The following COIL variants were observed in gnomAD, a reference collection of about 807,000 sequenced individuals.
COIL encodes coilin p80.
COIL carries 28 observed loss-of-function variants against 51.6 expected under a neutral mutation model. The ratio of observed to expected loss-of-function variants is 0.54; its 90% CI spans 0.40 to 0.74. COIL has a LOEUF of 0.74. COIL is among the 30% of genes least tolerant of loss of function. The pLI, the probability that COIL is intolerant of heterozygous loss-of-function variation, is 0.00. For synonymous variants in COIL, 233 were observed against 255.8 expected (o/e 0.91, Z 0.85); for missense variants, 667 against 685.9 (o/e 0.97, Z 0.31).
intron 5 of COIL, among the ~76,000 whole-genome samples, chr17:56,942,964 A>G (rs117077655): frequency 6.6e-6 from 1 of 152,318 alleles, no homozygotes; most frequent in Non-Finnish European, 1.5e-5. Flanking sequence ...AACCTTTACT[A>G]CATAGGGAAA....
At chr17:56,956,461 G>A (rs910238444) in intron 1 of COIL, among the ~76,000 whole-genome samples, 18 of 151,894 alleles carry the variant, frequency 1.2e-4, no homozygotes, top group African/African-American at 4.1e-4. Context: ...TCCCTGTGTT[G>A]CCCAGGCTGC....
chr17:56,941,827 T>A (rs1397506229), intron 6 of COIL, among the ~76,000 whole-genome samples: 1 of 152,194 alleles, frequency 6.6e-6, no homozygotes, highest in Non-Finnish European at 1.5e-5. Flanking sequence ...AACTGTACAC[T>A]CTTAAAGAAA....
chr17:56,960,523 C>G (rs1216530772), intron 1 of COIL, among the ~76,000 whole-genome samples: 2 of 135,240 alleles, frequency 1.5e-5, no homozygotes, highest in Non-Finnish European at 3.2e-5. Flanking sequence ...GACTCCGTCT[C>G]AAAAAAAAAA....
chr17:56,953,819 A>G (rs1487006503), intron 1 of COIL, among the ~76,000 whole-genome samples: 1 of 152,104 alleles, frequency 6.6e-6, no homozygotes, highest in Non-Finnish European at 1.5e-5. Flanking sequence ...AGAGTTACTG[A>G]TATCAGGAGT....
chr17:56,950,581 C>T lies in COIL; in HGVS notation c.661G>A (p.Gly221Ser), dbSNP rs1371772957. 9.9e-6 allele frequency: 16 copies of T among 1,614,080 alleles called. No individual in the cohort carries two copies. In the Admixed American group the frequency reaches 2.7e-4, roughly 27 times the overall value. The stretch of plus-strand genomic sequence containing the variant: ...TTAACAAGGCTGTTTCTAGCAGAAC[C>T]TTTTGGAGAACTACATCTCTGATTG... ...WANQRCSSPK[G>S]SARNSLVKAK... is the part of the protein sequence containing the mutation. The change falls in exon 2 of 7, where the codon GGT (glycine) becomes AGT (serine). Residue 221 changes from glycine (G) to serine (S), a missense_variant. Physicochemically the swap from Gly to Ser is moderately conservative, Grantham distance 56. Transcript: ENST00000240316.
intron 1 of COIL, among the ~76,000 whole-genome samples, chr17:56,954,190 C>T (rs1598098132): frequency 6.6e-6 from 1 of 152,126 alleles, no homozygotes; most frequent in East Asian, 1.9e-4. Flanking sequence ...TTGATGAGAA[C>T]CCCTTCCTTT....
intron 1 of COIL, among the ~76,000 whole-genome samples, chr17:56,959,359 A>T (rs1372603331): frequency 6.6e-6 from 1 of 152,162 alleles, no homozygotes; most frequent in Non-Finnish European, 1.5e-5. Flanking sequence ...AAAAGAAAAA[A>T]AAAAGTCTGA....
At chr17:56,956,428 G>T (rs537345861) in intron 1 of COIL, among the ~76,000 whole-genome samples, 2 of 151,062 alleles carry the variant, frequency 1.3e-5, no homozygotes, top group African/African-American at 4.9e-5. Flanking sequence ...GTTTTTTGGG[G>T]TTTTTTTGGT....
In COIL at chr17:56,949,881, A is replaced by G; in HGVS notation, c.1353+8T>C. The G allele has an allele frequency of 6.2e-7, 1 of 1,612,376 alleles. No homozygotes were observed. Among genetic ancestry groups the G allele is most frequent in the Non-Finnish European group, 8.5e-7 (1 of 1,179,058 alleles). On this transcript the variant is annotated splice_region_variant and intron_variant, in intron 2 of 6. Transcript: ENST00000240316. ...GGGAGGAGATAACTTACAAAAAATA[A>G]TACTTACCTGGATAATAGTAGATGA...
At chr17:56,951,038 T>C (rs1177972095) in intron 1 of COIL, 42 bp from the exon 2 acceptor site, 3 of 1,527,566 alleles carry the variant, frequency 2.0e-6, no homozygotes, top group South Asian at 2.5e-5. Context: ...GAGCAATTTA[T>C]AAACACATCT....
rs1296381133 is a variant in COIL, at chr17:56,950,838, C to G, written c.404G>C (p.Ser135Thr). 6.2e-7 allele frequency: 1 copy of G among 1,614,110 alleles called. No homozygotes were observed. The highest frequency in any genetic ancestry group is 8.5e-7 in the Non-Finnish European group (1 of 1,180,040). The change falls in exon 2 of 7, where the codon AGT becomes ACT. Residue 135 changes from serine (S) to threonine (T), a missense_variant. Coordinates refer to ENST00000240316, the MANE Select transcript of COIL (RefSeq NM_004645.3). ...DCKYSKKHWK[S>T]RENNNNNEKV... ...CTCATTATTGTTATTGTTCTCTCGA[C>G]TCTTCCAATGCTTCTTTGAATATTT... is the stretch of plus-strand genomic sequence containing the variant.
At chr17:56,957,172 C>T (rs1198161797) in intron 1 of COIL, among the ~76,000 whole-genome samples, 1 of 151,686 alleles carries the variant, frequency 6.6e-6, no homozygotes, top group Non-Finnish European at 1.5e-5. Flanking sequence ...CCCTTGAGCT[C>T]AGGAGTTCGA....
intron 4 of COIL, among the ~76,000 whole-genome samples, chr17:56,948,332 G>C (rs1374895348): frequency 6.6e-6 from 1 of 151,484 alleles, no homozygotes; most frequent in African/African-American, 2.4e-5. Context: ...CTAGAGACGG[G>C]GTTTCACTGT....
intron 1 of COIL, among the ~76,000 whole-genome samples, chr17:56,957,902 C>T (rs1354994470): frequency 1.3e-5 from 2 of 152,148 alleles, no homozygotes; most frequent in Non-Finnish European, 2.9e-5. Context: ...ATTCCTGGGG[C>T]TTAAGAGAAT....
chr17:56,958,792 A>G (rs1244536826), intron 1 of COIL, among the ~76,000 whole-genome samples: 1 of 152,300 alleles, frequency 6.6e-6, no homozygotes, highest in East Asian at 1.9e-4. Flanking sequence ...AGTCAATAAA[A>G]AGGGGGAAAA....
chr17:56,948,095 T>A (rs1258753907), intron 4 of COIL, among the ~76,000 whole-genome samples: 1 of 151,388 alleles, frequency 6.6e-6, no homozygotes, highest in African/African-American at 2.4e-5. Flanking sequence ...CCAGATCCCT[T>A]CATTAACTGA....
intron 1 of COIL, among the ~76,000 whole-genome samples, chr17:56,952,694 T>C (rs187690426): frequency 6.6e-6 from 1 of 152,276 alleles, no homozygotes; most frequent in East Asian, 1.9e-4. Context: ...TTGGCTCTCC[T>C]TGGTCTATAG....
At chr17:56,942,175 A>C in intron 5 of COIL, 52 bp from the exon 6 acceptor site, 1 of 1,381,346 alleles carries the variant, frequency 7.2e-7, no homozygotes, top group South Asian at 1.2e-5. Context: ...TCAATAGTTA[A>C]AAATGTTCCT....
chr17:56,946,783 G>A lies in COIL; in HGVS notation c.1489-272C>T, dbSNP rs2301824. On this transcript the variant is annotated intron_variant, in intron 4 of 6. Transcript: ENST00000240316. The stretch of plus-strand genomic sequence containing the variant: ...TGGCAGACACTATCTTAAATAACTC[G>A]ATGAAAGTAAAGATTACACCAGGGA... Among the ~76,000 whole-genome samples the A allele has an allele frequency of 2.7e-4, 41 of 152,168 alleles. No individual in the cohort carries two copies. In the East Asian group the frequency reaches 6.2e-3, roughly 23 times the overall value.
Sources: gnomAD v4.1 joint callset for allele counts (sites outside exome capture counted in the v4.1 genomes callset) on GRCh38, gnomAD v4.1.1 for gene constraint, MANE v1.5 for transcripts, NCBI Gene and HGNC (gene_info 2026-07-23, HGNC 2026-07-21) for gene names.